The following TENM4 variants were observed in gnomAD, a reference collection of about 807,000 sequenced individuals.
TENM4 encodes teneurin-4.
A neutral mutation model predicts 243.3 loss-of-function variants in TENM4; 82 were observed. The ratio of observed to expected loss-of-function variants is 0.34; its 90% confidence interval spans 0.28 to 0.40. TENM4 has a LOEUF of 0.40. Among genes scored for constraint, TENM4 ranks in the 10% least tolerant of loss-of-function variants. The pLI, the probability that TENM4 is intolerant of heterozygous loss-of-function variation, is 1.00. For missense variants in TENM4, 3,138 were observed against 3,673.3 expected (o/e 0.85, Z 3.77); for synonymous variants, 1,412 against 1,456.3 (o/e 0.97, Z 0.69).
At chr11:79,379,231 T>C (rs112876000) in intron 1 of TENM4, among the ~76,000 whole-genome samples, 4 of 152,214 alleles carry the variant, frequency 2.6e-5, no homozygotes, top group Admixed American at 6.5e-5. Flanking sequence ...CCTGGAGCAG[T>C]GGACTAGGTT....
chr11:78,882,703 C>T (rs1234355109), intron 9 of TENM4, among the ~76,000 whole-genome samples: 4 of 152,210 alleles, frequency 2.6e-5, no homozygotes, highest in Non-Finnish European at 4.4e-5. Context: ...CCTAGATAGC[C>T]TCAAGAACTG....
At chr11:79,400,979 GC>G (rs1858449050) in intron 1 of TENM4, among the ~76,000 whole-genome samples, 1 of 152,200 alleles carries the variant, frequency 6.6e-6, no homozygotes, top group African/African-American at 2.4e-5. Context: ...GCCAGACTTG[GC>G]CCTGAGAAGC....
intron 33 of TENM4, 139 bp from the exon 34 acceptor site, chr11:78,658,955 A>T: frequency 1.0e-6 from 1 of 976,942 alleles, no homozygotes; most frequent in Non-Finnish European, 1.5e-6. Flanking sequence ...GCTGACCACC[A>T]GAACATCCAG....
intron 21 of TENM4, among the ~76,000 whole-genome samples, chr11:78,730,846 GC>G (rs1354376240): frequency 6.6e-6 from 1 of 152,138 alleles, no homozygotes; most frequent in Admixed American, 6.6e-5. Flanking sequence ...TAGGGATTGG[GC>G]TTAAACTAAG....
intron 18 of TENM4, among the ~76,000 whole-genome samples, chr11:78,768,960 T>G (rs988096313): frequency 6.6e-6 from 1 of 152,186 alleles, no homozygotes; most frequent in African/African-American, 2.4e-5. Context: ...TCAATGAGCC[T>G]TGTTCTATAA....
intron 1 of TENM4, among the ~76,000 whole-genome samples, chr11:79,422,712 T>G: frequency 6.6e-6 from 1 of 152,120 alleles, no homozygotes; most frequent in East Asian, 1.9e-4. Flanking sequence ...ACTCCTCTTG[T>G]TTTCCTTACA....
At position 78,835,178 on chromosome 11, in the gene TENM4, C is replaced by T. The variant is rs566991514; in HGVS notation, c.1681+18926G>A. ...TAGCATTTGACATGATTCTCTAGCT[C>T]CTCTTTGCTGAAGCTCTCTTTTCCC... is the stretch of plus-strand genomic sequence containing the variant. On this transcript the variant is annotated intron_variant, in intron 12 of 33. Transcript: ENST00000278550. Among the ~76,000 whole-genome samples the T allele has an allele frequency of 2.0e-5, 3 of 152,250 alleles. No individual in the cohort carries two copies. In the South Asian group the frequency reaches 6.2e-4, roughly 32 times the overall value.
At chr11:79,190,040 C>G (rs1371536209) in intron 3 of TENM4, among the ~76,000 whole-genome samples, 2 of 152,168 alleles carry the variant, frequency 1.3e-5, no homozygotes, top group African/African-American at 4.8e-5. Context: ...CTTCTGGAAC[C>G]TTCAGTCCAA....
chr11:78,734,907 C>A (rs1855752206), intron 20 of TENM4, among the ~76,000 whole-genome samples: 1 of 152,226 alleles, frequency 6.6e-6, no homozygotes, highest in South Asian at 2.1e-4. Flanking sequence ...CTACTAAACA[C>A]CCTACGTCCC....
intron 17 of TENM4, among the ~76,000 whole-genome samples, chr11:78,777,066 G>A (rs1430148830): frequency 6.6e-6 from 1 of 151,896 alleles, no homozygotes; most frequent in African/African-American, 2.4e-5. Context: ...AAAATCACAT[G>A]ACTCACCTAA....
chr11:79,248,087 A>C (rs1409340943), intron 2 of TENM4, among the ~76,000 whole-genome samples: 1 of 152,032 alleles, frequency 6.6e-6, no homozygotes, highest in Non-Finnish European at 1.5e-5. Context: ...GCTCATTGGG[A>C]GCTTTGTGGT....
intron 3 of TENM4, among the ~76,000 whole-genome samples, chr11:79,185,364 A>C (rs1443350158): frequency 6.6e-6 from 1 of 152,170 alleles, no homozygotes; most frequent in African/African-American, 2.4e-5. Flanking sequence ...CAACAACAAA[A>C]ACCCACAAAT....
At chr11:79,353,558 G>A (rs930735543) in intron 1 of TENM4, among the ~76,000 whole-genome samples, 1 of 152,108 alleles carries the variant, frequency 6.6e-6, no homozygotes, top group Non-Finnish European at 1.5e-5. Context: ...GAAGTGTGAC[G>A]ATCTCTAATG....
chr11:79,069,693 G>C (rs1860356105), intron 5 of TENM4, 29 bp downstream of exon 5: 1 of 1,532,562 alleles, frequency 6.5e-7, no homozygotes. Flanking sequence ...ACCTGCGCCT[G>C]AGGCCCGCCC....
At chr11:78,690,244 T>C (rs1397311397) in intron 28 of TENM4, among the ~76,000 whole-genome samples, 1 of 151,958 alleles carries the variant, frequency 6.6e-6, no homozygotes, top group Non-Finnish European at 1.5e-5. Context: ...TGTCTTGGAG[T>C]AAAGATCTGA....
intron 16 of TENM4, among the ~76,000 whole-genome samples, chr11:78,783,244 A>G (rs904062116): frequency 6.6e-6 from 1 of 152,224 alleles, no homozygotes; most frequent in Admixed American, 6.5e-5. Context: ...TCATGGATCC[A>G]TAAAACTCCT....
intron 27 of TENM4, among the ~76,000 whole-genome samples, chr11:78,707,744 G>C (rs1220950080): frequency 6.6e-6 from 1 of 152,212 alleles, no homozygotes; most frequent in Non-Finnish European, 1.5e-5. Flanking sequence ...CATCACCTCT[G>C]AAGGGCCAAG....
At chr11:78,870,624 G>C (rs1859096246) in intron 9 of TENM4, among the ~76,000 whole-genome samples, 1 of 152,186 alleles carries the variant, frequency 6.6e-6, no homozygotes, top group South Asian at 2.1e-4. Flanking sequence ...CTGGAGAATG[G>C]ATTCTGGCAC....
chr11:78,692,612 G>C (rs891178323), intron 28 of TENM4, among the ~76,000 whole-genome samples: 5 of 152,174 alleles, frequency 3.3e-5, no homozygotes, highest in Non-Finnish European at 7.3e-5. Flanking sequence ...CTGTAGCTTA[G>C]AGTGTGTGGC....
Sources: gnomAD v4.1 joint callset for allele counts (sites outside exome capture counted in the v4.1 genomes callset) on GRCh38, gnomAD v4.1.1 for gene constraint, MANE v1.5 for transcripts, NCBI Gene and HGNC (gene_info 2026-07-23, HGNC 2026-07-21) for gene names.